The following OLFM3 variants were observed in gnomAD, a reference collection of about 807,000 sequenced individuals.
OLFM3 encodes the protein olfactomedin 3, also known as noelin-3.
OLFM3 carries 20 observed loss-of-function variants against 48.6 expected under a neutral mutation model. The ratio of observed to expected loss-of-function variants is 0.41; its 90% CI spans 0.29 to 0.60. The LOEUF is 0.60. Among genes scored for constraint, OLFM3 ranks in the 20% least tolerant of loss-of-function variants. OLFM3 has a pLI of 0.28. For missense variants in OLFM3, 437 were observed against 544.3 expected, an observed-to-expected ratio of 0.80 and a Z score of 1.96; for synonymous variants, 222 against 198.1, an observed-to-expected ratio of 1.12 and a Z score of -1.01.
rs113948281 is a variant in OLFM3 at position 101,939,455 on chromosome 1, C to T, written c.69+57293G>A. Among the ~76,000 whole-genome samples, 743 of 151,950 alleles carry T rather than the reference C, an allele frequency of 4.9e-3. 15 individuals carry two copies. Among genetic ancestry groups the T allele is most frequent in the African/African-American group, 0.017 (712 of 41,412 alleles). The stretch of plus-strand genomic sequence containing the variant: ...TATACACAGTGTGTGCCCTCAAGGA[C>T]TAACAATAGTAGATATAAAAATCTA... On this transcript the variant is annotated intron_variant, in intron 1 of 5. Coordinates refer to ENST00000370103, the MANE Select transcript of OLFM3 (RefSeq NM_058170.4).
chr1:101,823,111 A>G (rs1192233670), intron 4 of OLFM3, among the ~76,000 whole-genome samples: 1 of 151,980 alleles, frequency 6.6e-6, no homozygotes, highest in Non-Finnish European at 1.5e-5. Flanking sequence ...TTATTGAGTG[A>G]CTTTTCTTTG....
At chr1:101,877,169 G>A (rs1245888744) in intron 1 of OLFM3, among the ~76,000 whole-genome samples, 3 of 151,894 alleles carry the variant, frequency 2.0e-5, no homozygotes, top group African/African-American at 7.2e-5. Flanking sequence ...ACAAACCATG[G>A]TTATTTCTAA....
chr1:101,874,490 T>TATAATA (rs71310157), intron 1 of OLFM3, among the ~76,000 whole-genome samples: 39,911 of 149,710 alleles, frequency 0.27, 5,435 homozygotes, highest in East Asian at 0.33. Context: ...ATTCTAATAA[T>TATAATA]ATAATAATAA....
chr1:101,875,561 A>C (rs192554113), intron 1 of OLFM3, among the ~76,000 whole-genome samples: 22 of 152,076 alleles, frequency 1.4e-4, no homozygotes, highest in Admixed American at 1.4e-3. Context: ...TCTGTTAATT[A>C]AAAAAATAAA....
At chr1:101,925,472 T>A (rs1486348413) in intron 1 of OLFM3, among the ~76,000 whole-genome samples, 1 of 152,018 alleles carries the variant, frequency 6.6e-6, no homozygotes, top group Non-Finnish European at 1.5e-5. Context: ...TAATTGTGTA[T>A]GTGAGTGTGT....
At chr1:101,913,882 G>C (rs1658841089) in intron 1 of OLFM3, among the ~76,000 whole-genome samples, 1 of 152,032 alleles carries the variant, frequency 6.6e-6, no homozygotes. Flanking sequence ...TGAAATAAAA[G>C]GGACTAGGGA....
intron 1 of OLFM3, among the ~76,000 whole-genome samples, chr1:101,940,325 T>C (rs1659749981): frequency 6.7e-6 from 1 of 150,190 alleles, no homozygotes; most frequent in South Asian, 2.1e-4. Flanking sequence ...CCATGTGCTA[T>C]GGAAATGTTT....
chr1:101,830,729 C>T lies in OLFM3; in HGVS notation c.315G>A (p.Lys105=). The T allele has an allele frequency of 1.2e-6, 2 of 1,614,170 alleles. No individual in the cohort carries two copies. Among genetic ancestry groups the T allele is most frequent in the Non-Finnish European group, 1.7e-6 (2 of 1,180,028 alleles). ...CATCTTCAATCTGCCGAAATTTTGC[C>T]TTCAGCCCTTTCATTTGGGTTTCCA... is the stretch of plus-strand genomic sequence containing the variant. ...LKMETQMKGL[K]AKFRQIEDDR... The change falls in exon 3 of 6, where the codon AAG becomes AAA. Residue 105 remains lysine (K), a synonymous_variant. Coordinates refer to ENST00000370103, the MANE Select transcript of OLFM3 (RefSeq NM_058170.4).
Position 101,984,920 on chromosome 1 carries a change from C to G in OLFM3, c.69+11828G>C, listed in dbSNP as rs139742159. 5.5e-3 allele frequency among the ~76,000 whole-genome samples: 839 copies of G among 152,290 alleles called. 3 individuals carry two copies. Among genetic ancestry groups the G allele is most frequent in the Non-Finnish European group, 8.3e-3 (566 of 68,018 alleles). ...CTATTGTTGCTGTAACAAATTACCA[C>G]AAACCTAATGGTTTAGAACAACACA... On this transcript the variant is annotated intron_variant, in intron 1 of 5. Transcript: ENST00000370103.
intron 1 of OLFM3, among the ~76,000 whole-genome samples, chr1:101,904,040 C>G (rs1372526526): frequency 6.6e-6 from 1 of 151,984 alleles, no homozygotes; most frequent in East Asian, 1.9e-4. Flanking sequence ...CAAAACCAAA[C>G]TTTTTCAAAC....
At chr1:101,866,868 T>C (rs1403944167) in intron 1 of OLFM3, among the ~76,000 whole-genome samples, 1 of 152,192 alleles carries the variant, frequency 6.6e-6, no homozygotes, top group South Asian at 2.1e-4. Flanking sequence ...AAAATATTTA[T>C]TGGTTTTACT....
chr1:101,825,288 G>T, intron 3 of OLFM3, 43 bp from the exon 4 acceptor site: 1 of 1,445,520 alleles, frequency 6.9e-7, no homozygotes, highest in Non-Finnish European at 9.7e-7. Flanking sequence ...ATTTAAAACA[G>T]ATCATGCTGC....
chr1:101,943,422 A>C (rs1659853699), intron 1 of OLFM3, among the ~76,000 whole-genome samples: 1 of 152,170 alleles, frequency 6.6e-6, no homozygotes, highest in Non-Finnish European at 1.5e-5. Context: ...CATACCTCCT[A>C]TCACTTCTGC....
chr1:101,808,552 A>G (rs1263068350), intron 4 of OLFM3, among the ~76,000 whole-genome samples: 1 of 151,900 alleles, frequency 6.6e-6, no homozygotes, highest in African/African-American at 2.4e-5. Context: ...AATTGATTAC[A>G]TCTTCATCTG....
chr1:101,897,183 A>G (rs1007804416), intron 1 of OLFM3, among the ~76,000 whole-genome samples: 2 of 152,200 alleles, frequency 1.3e-5, no homozygotes, highest in African/African-American at 4.8e-5. Flanking sequence ...AAAAATATTG[A>G]AAGAAATCAA....
chr1:101,967,877 T>TC (rs1660662502), intron 1 of OLFM3, among the ~76,000 whole-genome samples: 1 of 151,714 alleles, frequency 6.6e-6, no homozygotes, highest in African/African-American at 2.4e-5. Flanking sequence ...CAGAGTATTC[T>TC]TCCGCCCCCA....
chr1:101,912,539 T>C (rs762819210), intron 1 of OLFM3, among the ~76,000 whole-genome samples: 8 of 152,190 alleles, frequency 5.3e-5, no homozygotes, highest in Non-Finnish European at 1.2e-4. Context: ...AATTTTTTAA[T>C]GAAGAACATG....
intron 4 of OLFM3, among the ~76,000 whole-genome samples, chr1:101,821,024 T>C (rs934783434): frequency 1.3e-5 from 2 of 152,076 alleles, no homozygotes; most frequent in African/African-American, 4.8e-5. Context: ...GCAACTGGAT[T>C]ATAGGCCCTT....
intron 2 of OLFM3, among the ~76,000 whole-genome samples, chr1:101,831,571 A>C (rs1655151428): frequency 6.6e-6 from 1 of 152,224 alleles, no homozygotes; most frequent in Non-Finnish European, 1.5e-5. Context: ...TAGCAACAAA[A>C]ATCTGAAAAC....
Sources: gnomAD v4.1 joint callset for allele counts (sites outside exome capture counted in the v4.1 genomes callset) on GRCh38, gnomAD v4.1.1 for gene constraint, MANE v1.5 for transcripts, NCBI Gene and HGNC (gene_info 2026-07-23, HGNC 2026-07-21) for gene names.